LHFPL3: variants seen among roughly 807,000 people sequenced by gnomAD.
LHFPL3 encodes LHFPL tetraspan subfamily member 3, also known as LHFPL tetraspan subfamily member 3 protein.
Under a neutral mutation model 19.3 loss-of-function variants are expected in LHFPL3, and 5 were observed. That is an observed-to-expected ratio of 0.26 (90% CI 0.14 to 0.54). The LOEUF is 0.54. Ranked by LOEUF, LHFPL3 falls within the 20% of genes least tolerant of loss-of-function variation. The pLI is 0.94. For missense variants in LHFPL3, 249 were observed against 307.4 expected, an observed-to-expected ratio of 0.81 and a Z score of 1.42; for synonymous variants, 133 against 126.2, an observed-to-expected ratio of 1.05 and a Z score of -0.36.
intron 1 of LHFPL3, among the ~76,000 whole-genome samples, chr7:104,467,575 C>T (rs1159316831): frequency 6.6e-6 from 1 of 152,058 alleles, no homozygotes; most frequent in Non-Finnish European, 1.5e-5. Context: ...TTATTATCCC[C>T]GTATTAGATT....
intron 1 of LHFPL3, among the ~76,000 whole-genome samples, chr7:104,381,117 T>C (rs1405531681): frequency 1.3e-5 from 2 of 152,160 alleles, no homozygotes; most frequent in Non-Finnish European, 2.9e-5. Context: ...ATAGAAAACA[T>C]AGAGCATGAT....
At position 104,645,073 on chromosome 7, in the gene LHFPL3, T is replaced by C. The variant is rs146110504; in HGVS notation, c.446-91602T>C. 2.1e-3 allele frequency among the ~76,000 whole-genome samples: 326 copies of C among 152,326 alleles called. 2 individuals carry two copies. Among genetic ancestry groups the C allele is most frequent in the African/African-American group, 7.7e-3 (319 of 41,580 alleles). ...CAGCCATTCAGGTTTTTCCATTGAA[T>C]TTTATGCATGATTATCTGAATTCTT... On this transcript the variant is annotated intron_variant, in intron 1 of 2. Transcript: ENST00000424859.
intron 1 of LHFPL3, among the ~76,000 whole-genome samples, chr7:104,730,095 G>A (rs1434204326): frequency 6.6e-6 from 1 of 152,080 alleles, no homozygotes; most frequent in East Asian, 1.9e-4. Flanking sequence ...TATGGCTGCA[G>A]AGTATTCCAT....
At chr7:104,491,326 G>C (rs1793346498) in intron 1 of LHFPL3, among the ~76,000 whole-genome samples, 1 of 152,076 alleles carries the variant, frequency 6.6e-6, no homozygotes, top group Non-Finnish European at 1.5e-5. Context: ...GTGGGTATAG[G>C]TGTGTTCCCC....
chr7:104,349,873 T>A (rs1057432633), intron 1 of LHFPL3, among the ~76,000 whole-genome samples: 1 of 152,232 alleles, frequency 6.6e-6, no homozygotes, highest in Non-Finnish European at 1.5e-5. Flanking sequence ...TATTTTTTAA[T>A]ACGTTAGATT....
At chr7:104,364,964 G>A (rs183632801) in intron 1 of LHFPL3, among the ~76,000 whole-genome samples, 27 of 152,286 alleles carry the variant, frequency 1.8e-4, no homozygotes, top group Non-Finnish European at 2.4e-4. Flanking sequence ...GATACTGAGG[G>A]TGCAGGAGAA....
intron 1 of LHFPL3, among the ~76,000 whole-genome samples, chr7:104,402,496 T>C (rs1030457283): frequency 6.6e-6 from 1 of 152,218 alleles, no homozygotes. Flanking sequence ...GGATCTAGAA[T>C]AGCCATGTTC....
chr7:104,724,702 CCATGA>C (rs1478107035), intron 1 of LHFPL3, among the ~76,000 whole-genome samples: 7 of 152,082 alleles, frequency 4.6e-5, no homozygotes, highest in Admixed American at 1.3e-4. Context: ...ACAACAAACC[CCATGA>C]CATAAGTTTA....
intron 2 of LHFPL3, among the ~76,000 whole-genome samples, chr7:104,847,292 C>CCT (rs1791330769): frequency 1.3e-5 from 2 of 152,132 alleles, no homozygotes; most frequent in Admixed American, 1.3e-4. Context: ...GTATTGCTGA[C>CCT]CAAGTTAACA....
chr7:104,427,526 A>G (rs1791871118), intron 1 of LHFPL3, among the ~76,000 whole-genome samples: 1 of 152,206 alleles, frequency 6.6e-6, no homozygotes, highest in African/African-American at 2.4e-5. Context: ...GCTTGAAACT[A>G]TTTTGTGTCA....
intron 2 of LHFPL3, among the ~76,000 whole-genome samples, chr7:104,738,370 T>G (rs1793869224): frequency 6.6e-6 from 1 of 152,168 alleles, no homozygotes; most frequent in Non-Finnish European, 1.5e-5. Flanking sequence ...TAACTTTACT[T>G]CAAATGTAAT....
At position 104,767,744 on chromosome 7, in the gene LHFPL3, G is replaced by A. The variant is rs140559996; in HGVS notation, c.682+30833G>A. Among the ~76,000 whole-genome samples the A allele has an allele frequency of 5.8e-3, 880 of 152,222 alleles. 6 individuals carry two copies. Among genetic ancestry groups the A allele is most frequent in the African/African-American group, 0.02 (826 of 41,532 alleles). On this transcript the variant is annotated intron_variant, in intron 2 of 2. Coordinates refer to ENST00000424859, the MANE Select transcript of LHFPL3 (RefSeq NM_199000.3). ...AATCAAAGTATAGTACCAAATCCAC[G>A]GGTTGGCTTGAGAACAAAAGCCCAG...
At chr7:104,606,208 C>A (rs1368889664) in intron 1 of LHFPL3, among the ~76,000 whole-genome samples, 2 of 152,148 alleles carry the variant, frequency 1.3e-5, no homozygotes, top group East Asian at 1.9e-4. Context: ...TGAAGATTTG[C>A]AATATCGACC....
chr7:104,623,533 G>A (rs1791488934), intron 1 of LHFPL3, among the ~76,000 whole-genome samples: 1 of 115,390 alleles, frequency 8.7e-6, no homozygotes, highest in Admixed American at 8.6e-5. Flanking sequence ...GGGAGGCTGA[G>A]GCAGGAGAAT....
chr7:104,601,660 C>G (rs1003391522), intron 1 of LHFPL3, among the ~76,000 whole-genome samples: 1 of 152,128 alleles, frequency 6.6e-6, no homozygotes, highest in African/African-American at 2.4e-5. Flanking sequence ...ATCTTATTGC[C>G]CACAGCTGGC....
In LHFPL3 at chr7:104,593,088, A is replaced by G. The variant is rs1387446598; in HGVS notation, c.446-143587A>G. ...TTTCTTATCTTCTGCTAGCTTTTGG[A>G]TGTGCTTGCTCTTGCTTCTCTAGTT... On this transcript the variant is annotated intron_variant, in intron 1 of 2. Transcript: ENST00000424859. Among the ~76,000 whole-genome samples the G allele has an allele frequency of 1.3e-5, 2 of 151,862 alleles. 1 individual carries two copies. Among genetic ancestry groups the G allele is most frequent in the Non-Finnish European group, 2.9e-5 (2 of 67,984 alleles).
At chr7:104,491,146 A>T (rs997085542) in intron 1 of LHFPL3, among the ~76,000 whole-genome samples, 3 of 126,972 alleles carry the variant, frequency 2.4e-5, no homozygotes, top group African/African-American at 7.6e-5. Flanking sequence ...GGTTGAGATT[A>T]GACCAGAGGC....
chr7:104,789,767 A>G (rs1221745812), intron 2 of LHFPL3, among the ~76,000 whole-genome samples: 1 of 152,186 alleles, frequency 6.6e-6, no homozygotes, highest in Non-Finnish European at 1.5e-5. Flanking sequence ...CTGATCATTA[A>G]TATTATCAGC....
At chr7:104,705,615 T>A (rs940686172) in intron 1 of LHFPL3, among the ~76,000 whole-genome samples, 1 of 151,968 alleles carries the variant, frequency 6.6e-6, no homozygotes, top group Non-Finnish European at 1.5e-5. Flanking sequence ...GGAATTGTAA[T>A]TTTTTTTGCA....
Sources: gnomAD v4.1 joint callset for allele counts (sites outside exome capture counted in the v4.1 genomes callset) on GRCh38, gnomAD v4.1.1 for gene constraint, MANE v1.5 for transcripts, NCBI Gene and HGNC (gene_info 2026-07-23, HGNC 2026-07-21) for gene names.